DPP6: variants seen among roughly 807,000 people sequenced by gnomAD.
The protein encoded by DPP6 is dipeptidyl peptidase like 6, also known as A-type potassium channel modulatory protein DPP6.
In DPP6, 69 loss-of-function variants were observed where a neutral mutation model predicts 122.6. That is an observed-to-expected ratio of 0.56 (90% confidence interval 0.46 to 0.69). The LOEUF is 0.69. Ranked by LOEUF, DPP6 falls within the 30% of genes least tolerant of loss-of-function variation. The pLI is 0.00. For missense variants in DPP6, 928 were observed against 1,116.9 expected (o/e 0.83, Z 2.41); for synonymous variants, 418 against 433.1 (o/e 0.97, Z 0.43).
intron 1 of DPP6, among the ~76,000 whole-genome samples, chr7:154,098,736 G>T (rs987052287): frequency 8.3e-6 from 1 of 120,046 alleles, no homozygotes; most frequent in Non-Finnish European, 1.7e-5. Context: ...AGAAGGAGAA[G>T]AAAGAGGAAT....
chr7:154,262,608 T>C (rs1803102358), intron 1 of DPP6, among the ~76,000 whole-genome samples: 1 of 122,394 alleles, frequency 8.2e-6, no homozygotes, highest in Non-Finnish European at 1.9e-5. Flanking sequence ...AAGAGAGAAC[T>C]CAAGGGGGCT....
intron 1 of DPP6, among the ~76,000 whole-genome samples, chr7:154,393,279 A>T (rs1304587788): frequency 6.6e-6 from 1 of 152,206 alleles, no homozygotes; most frequent in Non-Finnish European, 1.5e-5. Context: ...TGCAATCTGA[A>T]TGCTCTGTGC....
chr7:154,578,078 G>A (rs1479886027), intron 5 of DPP6, among the ~76,000 whole-genome samples: 1 of 152,188 alleles, frequency 6.6e-6, no homozygotes, highest in Non-Finnish European at 1.5e-5. Context: ...AGCATTACCA[G>A]TAATATCACA....
chr7:153,818,124 G>A, the DPP6 span, among the ~76,000 whole-genome samples: 1 of 151,044 alleles, frequency 6.6e-6, no homozygotes, highest in Admixed American at 6.6e-5. Flanking sequence ...GCAATTCAAA[G>A]AGAGAAAGTC....
chr7:154,415,623 T>C (rs1816955928), intron 1 of DPP6, among the ~76,000 whole-genome samples: 1 of 151,642 alleles, frequency 6.6e-6, no homozygotes, highest in Non-Finnish European at 1.5e-5. Context: ...GCAAAAGGGA[T>C]TAACTTGGGC....
intron 18 of DPP6, among the ~76,000 whole-genome samples, chr7:154,869,276 G>A (rs1016926094): frequency 1.2e-4 from 18 of 152,312 alleles, no homozygotes; most frequent in African/African-American, 4.1e-4. Flanking sequence ...CAGCAGCTTA[G>A]AGGAGACACA....
Position 154,143,754 on chromosome 7 carries a change from T to C in DPP6, c.243+90691T>C, listed in dbSNP as rs1241962758. ...CATGTTTTATGTCTCTAACTACACA[T>C]TTATCTTGTCTTAATGGCTGCTTGG... On this transcript the variant is annotated intron_variant, in intron 1 of 25. Transcript: ENST00000377770. Among the ~76,000 whole-genome samples, 8 of 151,494 alleles carry C rather than the reference T, an allele frequency of 5.3e-5. No homozygotes were observed. In the East Asian group the frequency reaches 1.4e-3, roughly 26 times the overall value.
At chr7:153,811,307 G>A in the DPP6 span, among the ~76,000 whole-genome samples, 38 of 152,160 alleles carry the variant, frequency 2.5e-4, 1 homozygote, top group South Asian at 3.6e-3. Context: ...TCTCAAATGC[G>A]CTGTTTAAAA....
At chr7:154,735,760 TGA>T (rs1349711909) in intron 8 of DPP6, among the ~76,000 whole-genome samples, 2 of 152,222 alleles carry the variant, frequency 1.3e-5, no homozygotes, top group South Asian at 2.1e-4. Flanking sequence ...TCTGAACCTG[TGA>T]GAGATTTCTG....
rs920677314 is a variant in DPP6, at chr7:153,940,850, C to T, written c.51+53116C>T. 7.9e-5 allele frequency among the ~76,000 whole-genome samples: 12 copies of T among 152,218 alleles called. No homozygotes were observed. In the South Asian group the frequency reaches 1.2e-3, roughly 16 times the overall value. ...AAGCGGTGTGTTCGCCAAGCATATG[C>T]GCAGCTTCAAGACAAGGTGTCTGGC... On this transcript the variant is annotated intron_variant, in intron 1 of 25. Coordinates refer to the DPP6 transcript ENST00000404039.
At chr7:154,153,047 C>T (rs1221526300) in intron 1 of DPP6, among the ~76,000 whole-genome samples, 15 of 152,202 alleles carry the variant, frequency 9.9e-5, no homozygotes, top group Non-Finnish European at 1.8e-4. Context: ...ATGTGATGGC[C>T]GCAATTGCAG....
chr7:154,338,278 C>T (rs908563623), intron 1 of DPP6, among the ~76,000 whole-genome samples: 1 of 152,146 alleles, frequency 6.6e-6, no homozygotes, highest in Non-Finnish European at 1.5e-5. Flanking sequence ...CCCTCTGATA[C>T]AGTATCTGAA....
At chr7:154,229,750 A>G (rs1015817500) in intron 1 of DPP6, among the ~76,000 whole-genome samples, 5 of 152,160 alleles carry the variant, frequency 3.3e-5, no homozygotes, top group African/African-American at 1.2e-4. Context: ...CTGCAATTTT[A>G]TCAGAATTCA....
At chr7:154,664,511 G>T (rs929507548) in intron 6 of DPP6, among the ~76,000 whole-genome samples, 7 of 152,102 alleles carry the variant, frequency 4.6e-5, no homozygotes, top group African/African-American at 1.7e-4. Context: ...ATAAACACAG[G>T]TCAAGTGAAT....
At chr7:154,737,665 C>T (rs1842631927) in intron 8 of DPP6, among the ~76,000 whole-genome samples, 1 of 152,174 alleles carries the variant, frequency 6.6e-6, no homozygotes, top group Non-Finnish European at 1.5e-5. Context: ...CTGCTAAGCA[C>T]TTTCCTGCTG....
At chr7:154,063,600 G>A (rs1563160335) in intron 1 of DPP6, among the ~76,000 whole-genome samples, 4 of 104,034 alleles carry the variant, frequency 3.8e-5, no homozygotes, top group East Asian at 3.2e-4. Flanking sequence ...CCCCATCGCA[G>A]TGAGGGAGGC....
At chr7:154,444,591 G>A (rs747982592) in intron 1 of DPP6, among the ~76,000 whole-genome samples, 1 of 152,148 alleles carries the variant, frequency 6.6e-6, no homozygotes, top group Non-Finnish European at 1.5e-5. Flanking sequence ...TGGTTTCCTT[G>A]GAATTTCATC....
intron 10 of DPP6, among the ~76,000 whole-genome samples, chr7:154,791,325 G>A (rs1480990211): frequency 1.3e-5 from 2 of 152,086 alleles, no homozygotes; most frequent in Non-Finnish European, 2.9e-5. Context: ...GAAAGAGAGA[G>A]GTTTCATAGA....
At chr7:154,820,473 C>A (rs1799688573) in intron 16 of DPP6, among the ~76,000 whole-genome samples, 1 of 152,152 alleles carries the variant, frequency 6.6e-6, no homozygotes, top group South Asian at 2.1e-4. Context: ...TCAAATACCC[C>A]AGTTGCCCCC....
Sources: gnomAD v4.1 joint callset for allele counts (sites outside exome capture counted in the v4.1 genomes callset) on GRCh38, gnomAD v4.1.1 for gene constraint, MANE v1.5 for transcripts, NCBI Gene and HGNC (gene_info 2026-07-23, HGNC 2026-07-21) for gene names.